DUXA: variants seen among roughly 807,000 people sequenced by gnomAD.
DUXA encodes double homeobox A.
Under a neutral mutation model 27.5 loss-of-function variants are expected in DUXA, and 25 were observed. The observed-to-expected ratio is 0.91, with a 90% CI of 0.66 to 1.27. The LOEUF (loss-of-function observed/expected upper bound fraction) is 1.27, where lower values mean the gene tolerates loss of function less well. DUXA is among the 50% of genes most tolerant of loss of function. The pLI, the probability that DUXA is intolerant of heterozygous loss-of-function variation, is 0.00. For synonymous variants in DUXA, 90 were observed against 80.5 expected (o/e 1.12, Z -0.63); for missense variants, 247 against 242.9 (o/e 1.02, Z -0.11).
At position 57,155,333 on chromosome 19, in the gene DUXA, T is replaced by A. The variant is rs1267866887; in HGVS notation, c.478A>T (p.Arg160Ter). 1 of 1,614,236 alleles carries A rather than the reference T, an allele frequency of 6.2e-7. No homozygotes were observed. Among genetic ancestry groups the A allele is most frequent in the Non-Finnish European group, 8.5e-7 (1 of 1,180,038 alleles). ...QNRRSRLLLQRKREPVASLEQ... is the reference protein window; with the variant it reads ...QNRRSRLLLQ ...AAGGACGCCACAGGTTCCCTTTTTC[T>A]CTGGAGAAGTAATCTAGATCTTCGA... The change falls in exon 5 of 6, where the codon AGA (arginine) becomes TGA (stop). Residue 160 changes from arginine to a stop codon, truncating the protein, a stop_gained. Coordinates refer to ENST00000554048, the MANE Select transcript of DUXA (RefSeq NM_001012729.2). LOFTEE classifies it high-confidence loss of function.
At chr19:57,167,048 T>C (rs1177653216) in intron 1 of DUXA, among the ~76,000 whole-genome samples, 1 of 152,154 alleles carries the variant, frequency 6.6e-6, no homozygotes, top group African/African-American at 2.4e-5. Flanking sequence ...GCTTTCCAGA[T>C]CTGGAATCCT....
In DUXA at chr19:57,158,812, G is replaced by A. The variant is rs561336618; in HGVS notation, c.293-339C>T. 2.0e-5 allele frequency among the ~76,000 whole-genome samples: 3 copies of A among 152,234 alleles called. No homozygotes were observed. The South Asian group carries it at 6.2e-4, about 32-fold the overall frequency. On this transcript the variant is annotated intron_variant, in intron 3 of 5. Coordinates refer to ENST00000554048, the MANE Select transcript of DUXA (RefSeq NM_001012729.2). Reference sequence around the variant, plus strand: ...AGCCTGACCAATATGGCGAAACCTCGTCTCTACTAAAAGTACAAAAATTAG... The same window carrying A: ...AGCCTGACCAATATGGCGAAACCTCATCTCTACTAAAAGTACAAAAATTAG...
intron 1 of DUXA, among the ~76,000 whole-genome samples, chr19:57,165,410 C>T (rs2087048604): frequency 6.7e-6 from 1 of 149,446 alleles, no homozygotes; most frequent in Non-Finnish European, 1.5e-5. Flanking sequence ...CTCCACACAA[C>T]AAACATTCAC....
At position 57,155,367 on chromosome 19, in the gene DUXA, C is replaced by T; in HGVS notation, c.444G>A (p.Trp148Ter). The change falls in exon 5 of 6, where the codon TGG becomes TGA. Residue 148 changes from tryptophan to a stop codon, truncating the protein, a stop_gained. Coordinates refer to ENST00000554048, the MANE Select transcript of DUXA (RefSeq NM_001012729.2). LOFTEE classifies it high-confidence loss of function. ...IGVPESRVQIWFQNRRSRLLL... is the reference protein window; with the variant it reads ...IGVPESRVQI Reference sequence around the variant, plus strand: ...GTAATCTAGATCTTCGATTTTGGAACCAAATCTAAGTGGTAAGACAAAGAA... The same window carrying T: ...GTAATCTAGATCTTCGATTTTGGAATCAAATCTAAGTGGTAAGACAAAGAA... The T allele has an allele frequency of 6.2e-7, 1 of 1,612,958 alleles. No homozygotes were observed. Among genetic ancestry groups the T allele is most frequent in the Non-Finnish European group, 8.5e-7 (1 of 1,178,978 alleles).
In DUXA at chr19:57,154,463, A is replaced by AT. The variant is rs1310927747; in HGVS notation, c.563dup (p.Asn188LysfsTer7). 1 of 1,613,504 alleles carries AT rather than the reference A, an allele frequency of 6.2e-7. No homozygotes were observed. The highest frequency in any genetic ancestry group is 2.2e-5 in the East Asian group (1 of 44,858). ...GAGAGTCACTAGTGAAGTTGGTGCC[A>AT]TTTTGTGTATCTTCTGCACCTAAGG... On this transcript the variant is annotated frameshift_variant, in exon 6 of 6. Transcript: ENST00000554048. LOFTEE classifies it low-confidence loss of function (END_TRUNC).
chr19:57,162,390 A>G (rs2087028721), intron 1 of DUXA, among the ~76,000 whole-genome samples: 1 of 152,198 alleles, frequency 6.6e-6, no homozygotes, highest in African/African-American at 2.4e-5. Flanking sequence ...CCTTGAAATA[A>G]CCAAATCTGG....
In DUXA at chr19:57,158,316, C is replaced by T. The variant is rs201924668; in HGVS notation, c.438+12G>A. On this transcript the variant is annotated intron_variant, in intron 4 of 5. Coordinates refer to ENST00000554048, the MANE Select transcript of DUXA (RefSeq NM_001012729.2). ...CCCTAGGAGATGGGACAACCACCTT[C>T]TTATCACTCACTTGGACTCTTGACT... 2,747 of 1,611,632 alleles carry T rather than the reference C, an allele frequency of 1.7e-3. 5 individuals carry two copies. The highest frequency in any genetic ancestry group is 2.6e-3 in the South Asian group (234 of 90,968).
Position 57,158,319 on chromosome 19 carries a change from A to G in DUXA, c.438+9T>C. 2 of 1,611,632 alleles carry G rather than the reference A, an allele frequency of 1.2e-6. No homozygotes were observed. The highest frequency in any genetic ancestry group is 1.1e-5 in the South Asian group (1 of 90,976). On this transcript the variant is annotated intron_variant, in intron 4 of 5. Transcript: ENST00000554048. ...TAGGAGATGGGACAACCACCTTCTT[A>G]TCACTCACTTGGACTCTTGACTCTG...
rs575015377 is a variant in DUXA at position 57,157,579 on chromosome 19, C to T, written c.438+749G>A. Among the ~76,000 whole-genome samples, 225 of 152,154 alleles carry T rather than the reference C, an allele frequency of 1.5e-3. 1 individual carries two copies. The highest frequency in any genetic ancestry group is 5.2e-3 in the African/African-American group (214 of 41,520). ...CTCCTGACCTCAGGTGATCTGCCCA[C>T]CTCAGCCTCCCAAAGTGCTGGCATT... On this transcript the variant is annotated intron_variant, in intron 4 of 5. Transcript: ENST00000554048.
chr19:57,159,368 G>C (rs1412771469), intron 2 of DUXA, 90 bp from the exon 3 acceptor site: 16 of 1,168,650 alleles, frequency 1.4e-5, no homozygotes, highest in Admixed American at 2.2e-5. Flanking sequence ...ATTCTTATTG[G>C]GCCTAGGCCC....
At chr19:57,155,519 G>A in intron 4 of DUXA, 147 bp from the exon 5 acceptor site, 4 of 644,252 alleles carry the variant, frequency 6.2e-6, no homozygotes, top group Non-Finnish European at 1.1e-5. Flanking sequence ...CATCACCTTA[G>A]GCTAACTTTT....
chr19:57,164,532 A>G (rs1486893406), intron 1 of DUXA, among the ~76,000 whole-genome samples: 1 of 152,086 alleles, frequency 6.6e-6, no homozygotes, highest in Non-Finnish European at 1.5e-5. Flanking sequence ...CCGAGATTGC[A>G]CCATTGCACT....
In DUXA at chr19:57,158,486, T is replaced by TGGG. The variant is rs1163403369; in HGVS notation, c.293-14_293-13insCCC. The TGGG allele has an allele frequency of 2.5e-6, 4 of 1,608,368 alleles. No homozygotes were observed. On this transcript the variant is annotated splice_polypyrimidine_tract_variant and intron_variant, in intron 3 of 5. Transcript: ENST00000554048. ...CTGGCTTCTCTACCTAGGGAAGGCA[T>TGGG]GGAAAGATGGAGGGGGGCGGTCAAG...
At chr19:57,158,034 T>C (rs907748856) in intron 4 of DUXA, among the ~76,000 whole-genome samples, 1 of 151,652 alleles carries the variant, frequency 6.6e-6, no homozygotes, top group South Asian at 2.1e-4. Flanking sequence ...CTGGCTTATA[T>C]GCAATGTTAA....
intron 3 of DUXA, 139 bp from the exon 4 acceptor site, chr19:57,158,612 C>G (rs2087004447): frequency 9.4e-7 from 1 of 1,061,236 alleles, no homozygotes; most frequent in Admixed American, 2.7e-5. Context: ...AGGATCTTGT[C>G]CCAGGTTCCT....
At chr19:57,161,345 T>TAAAAAAAAAAAAAAAAA (rs2087020672) in intron 1 of DUXA, among the ~76,000 whole-genome samples, 1 of 35,686 alleles carries the variant, frequency 2.8e-5, no homozygotes, top group Non-Finnish European at 5.4e-5. Flanking sequence ...AAAAAAAAAC[T>TAAAAAAAAAAAAAAAAA]GGGCGCGGTG....
rs372575059 is a variant in DUXA, at chr19:57,160,778, A to G, written c.45T>C (p.His15=). 2.6e-5 allele frequency: 42 copies of G among 1,614,010 alleles called. No homozygotes were observed. The highest frequency in any genetic ancestry group is 2.3e-4 in the South Asian group (21 of 91,090). The change falls in exon 2 of 6, where the codon CAT becomes CAC. Residue 15 remains histidine (H), a synonymous_variant. Coordinates refer to ENST00000554048, the MANE Select transcript of DUXA (RefSeq NM_001012729.2). The part of the protein sequence containing the change: ...TYSHKMVKTN[H]RRCRTKFTEE... ...CTGTGAATTTTGTGCGACAGCGCCT[A>G]TGATTTGTTTTTACCATCTCTGTAG... is the stretch of plus-strand genomic sequence containing the variant.
chr19:57,161,541 T>G (rs1382810832), intron 1 of DUXA, among the ~76,000 whole-genome samples: 12 of 150,270 alleles, frequency 8.0e-5, no homozygotes, highest in Admixed American at 8.0e-4. Flanking sequence ...GAGAATGGCG[T>G]GAACCCGGGA....
chr19:57,164,006 A>C (rs2087038055), intron 1 of DUXA, among the ~76,000 whole-genome samples: 1 of 152,160 alleles, frequency 6.6e-6, no homozygotes, highest in Non-Finnish European at 1.5e-5. Context: ...CCTTGAGTCC[A>C]GGAGTTCAAG....
Sources: allele counts gnomAD v4.1 joint callset (sites outside exome capture counted in the v4.1 genomes callset), GRCh38; gene constraint gnomAD v4.1.1; transcripts MANE v1.5; gene names NCBI Gene and HGNC (gene_info 2026-07-23, HGNC 2026-07-21).